Variants in ACER2 observed in about 807,000 individuals in gnomAD.
ACER2 encodes the protein alkCDase 2.
ACER2 carries 26 observed loss-of-function variants against 34.7 expected under a neutral mutation model. The ratio of observed to expected loss-of-function variants is 0.75; its 90% CI spans 0.55 to 1.04. The LOEUF (loss-of-function observed/expected upper bound fraction) is 1.04. Among genes scored for constraint, ACER2 ranks in the 50% least tolerant of loss-of-function variants. ACER2 has a pLI of 0.00. For synonymous variants in ACER2, 138 were observed against 132.1 expected (o/e 1.04, Z -0.31); for missense variants, 352 against 340.8 (o/e 1.03, Z -0.26).
intron 4 of ACER2, among the ~76,000 whole-genome samples, chr9:19,437,907 C>G (rs745323599): frequency 6.6e-6 from 1 of 152,174 alleles, no homozygotes; most frequent in Non-Finnish European, 1.5e-5. Flanking sequence ...TACTTATCTC[C>G]TTTTCTTCTC....
chr9:19,411,026 T>C (rs1244735616), intron 1 of ACER2, among the ~76,000 whole-genome samples: 3 of 152,218 alleles, frequency 2.0e-5, no homozygotes, highest in Non-Finnish European at 4.4e-5. Context: ...TCAACCTTGG[T>C]TATTTTGGCC....
chr9:19,449,507 C>A (rs1314954185), intron 5 of ACER2, among the ~76,000 whole-genome samples: 1 of 152,148 alleles, frequency 6.6e-6, no homozygotes, highest in African/African-American at 2.4e-5. Context: ...ATTGTCACAT[C>A]TGTTAATCTT....
chr9:19,426,607 G>A (rs1830580508), intron 3 of ACER2, among the ~76,000 whole-genome samples: 1 of 152,108 alleles, frequency 6.6e-6, no homozygotes, highest in African/African-American at 2.4e-5. Flanking sequence ...CATTCTTGAG[G>A]CCTGGGTTGA....
chr9:19,435,904 C>T (rs1315882042), intron 4 of ACER2, among the ~76,000 whole-genome samples: 1 of 152,016 alleles, frequency 6.6e-6, no homozygotes, highest in Non-Finnish European at 1.5e-5. Flanking sequence ...AAAAAATTAG[C>T]TGGGCATGGT....
rs370328915 is a variant in ACER2 at position 19,444,849 on chromosome 9, C to T, written c.504-1432C>T. ...GTAAGTCTCCCCATGTCATCGGCCTCTATTCTTTCTAAAAACTTTTCAAGG... is the reference window on the plus strand; with the variant it reads ...GTAAGTCTCCCCATGTCATCGGCCTTTATTCTTTCTAAAAACTTTTCAAGG... On this transcript the variant is annotated intron_variant, in intron 4 of 5. Coordinates refer to ENST00000340967, the MANE Select transcript of ACER2 (RefSeq NM_001010887.3). Among the ~76,000 whole-genome samples, 11 of 152,338 alleles carry T rather than the reference C, an allele frequency of 7.2e-5. No individual in the cohort carries two copies. The East Asian group carries it at 1.9e-3, about 27-fold the overall frequency.
intron 3 of ACER2, among the ~76,000 whole-genome samples, chr9:19,432,967 C>T (rs1469293300): frequency 1.3e-5 from 2 of 151,458 alleles, no homozygotes; most frequent in African/African-American, 4.8e-5. Flanking sequence ...ACAGAGAAAT[C>T]GAACATCTGA....
intron 4 of ACER2, among the ~76,000 whole-genome samples, chr9:19,436,172 G>A (rs536162636): frequency 1.1e-4 from 17 of 151,382 alleles, no homozygotes; most frequent in East Asian, 5.8e-4. Context: ...TTGCCTCAGC[G>A]TCCCAAAGTA....
At chr9:19,421,326 A>T (rs1316986489) in intron 1 of ACER2, among the ~76,000 whole-genome samples, 1 of 152,198 alleles carries the variant, frequency 6.6e-6, no homozygotes, top group Non-Finnish European at 1.5e-5. Context: ...ACACATTCAG[A>T]CCATAGTACC....
At chr9:19,430,957 C>CA (rs892855972) in intron 3 of ACER2, among the ~76,000 whole-genome samples, 23 of 149,788 alleles carry the variant, frequency 1.5e-4, no homozygotes, top group Admixed American at 4.0e-4. Flanking sequence ...GACTCTGTCT[C>CA]AAAAAAAACA....
At chr9:19,416,767 A>G (rs1830252624) in intron 1 of ACER2, among the ~76,000 whole-genome samples, 1 of 151,876 alleles carries the variant, frequency 6.6e-6, no homozygotes, top group Non-Finnish European at 1.5e-5. Flanking sequence ...TCCTGACTTC[A>G]GGTGATCCAC....
chr9:19,412,487 T>C (rs1462215686), intron 1 of ACER2, among the ~76,000 whole-genome samples: 1 of 152,056 alleles, frequency 6.6e-6, no homozygotes, highest in Admixed American at 6.6e-5. Flanking sequence ...ACCTCATCTC[T>C]ACTAAAAATA....
chr9:19,432,625 CAT>C (rs1249576474), intron 3 of ACER2, among the ~76,000 whole-genome samples: 2 of 147,884 alleles, frequency 1.4e-5, no homozygotes, highest in African/African-American at 2.5e-5. Flanking sequence ...TATAATTACA[CAT>C]ATTTATTAAT....
chr9:19,443,959 A>C (rs1421398835), intron 4 of ACER2, among the ~76,000 whole-genome samples: 1 of 152,104 alleles, frequency 6.6e-6, no homozygotes, highest in East Asian at 1.9e-4. Context: ...CCTCTAGGCT[A>C]GTTTAATACC....
chr9:19,436,391 A>T (rs1830976678), intron 4 of ACER2, among the ~76,000 whole-genome samples: 1 of 152,254 alleles, frequency 6.6e-6, no homozygotes, highest in Admixed American at 6.5e-5. Context: ...TCTGTCACTT[A>T]TTCAGGAAAA....
intron 4 of ACER2, among the ~76,000 whole-genome samples, chr9:19,443,781 C>T (rs1214589120): frequency 6.6e-6 from 1 of 151,980 alleles, no homozygotes; most frequent in Non-Finnish European, 1.5e-5. Context: ...CTCAGCCTCC[C>T]AAGTAGCTGG....
chr9:19,442,364 G>A (rs1180838868), intron 4 of ACER2, among the ~76,000 whole-genome samples: 5 of 152,208 alleles, frequency 3.3e-5, no homozygotes, highest in African/African-American at 9.7e-5. Context: ...TTTGATAAAA[G>A]CCCTGAGAAA....
At chr9:19,437,442 A>ACCTCCTCCCATATCCATTGCT (rs1831012823) in intron 4 of ACER2, among the ~76,000 whole-genome samples, 1 of 151,744 alleles carries the variant, frequency 6.6e-6, no homozygotes, top group East Asian at 1.9e-4. Flanking sequence ...TTCATCTGTC[A>ACCTCCTCCCATATCCATTGCT]CCTCCTCCCA....
rs1028140399 is a variant in ACER2, at chr9:19,451,527, C to T, written c.*891C>T. The stretch of plus-strand genomic sequence containing the variant: ...GTAAAACCCTCTCTGCCAAAACCTA[C>T]ACTCCACTTTAGGCCCTTCTTGAAG... On this transcript the variant is annotated 3_prime_UTR_variant, in exon 6 of 6. Coordinates refer to ENST00000340967, the MANE Select transcript of ACER2 (RefSeq NM_001010887.3). 10 of 152,646 alleles carry T rather than the reference C, an allele frequency of 6.6e-5. No individual in the cohort carries two copies. The highest frequency in any genetic ancestry group is 1.9e-4 in the African/African-American group (8 of 41,440). The allele number at this position is 152,646 out of a possible 1,614,324, so 9.5% of individuals were successfully genotyped here.
At chr9:19,436,791 T>C (rs1414587929) in intron 4 of ACER2, among the ~76,000 whole-genome samples, 4 of 152,228 alleles carry the variant, frequency 2.6e-5, no homozygotes, top group African/African-American at 7.2e-5. Context: ...ATTAGAAATA[T>C]CTCTGTGATG....
Sources: gnomAD v4.1 joint callset for allele counts (sites outside exome capture counted in the v4.1 genomes callset) on GRCh38, gnomAD v4.1.1 for gene constraint, MANE v1.5 for transcripts, NCBI Gene and HGNC (gene_info 2026-07-23, HGNC 2026-07-21) for gene names.